VPS45: variants seen among roughly 807,000 people sequenced by gnomAD.
The protein encoded by VPS45 is vacuolar protein sorting-associated protein 45.
Under a neutral mutation model 75.9 loss-of-function variants are expected in VPS45, and 35 were observed. That is an observed-to-expected ratio of 0.46 (90% CI 0.35 to 0.61). The LOEUF is 0.61. Ranked by LOEUF, VPS45 falls within the 20% of genes least tolerant of loss-of-function variation. The pLI is 0.00. For missense variants in VPS45, 559 were observed against 685.9 expected, an observed-to-expected ratio of 0.81 and a Z score of 2.07; for synonymous variants, 220 against 238.2, an observed-to-expected ratio of 0.92 and a Z score of 0.70.
intron 13 of VPS45, among the ~76,000 whole-genome samples, chr1:150,108,936 T>A (rs1207603752): frequency 6.6e-6 from 1 of 152,140 alleles, no homozygotes; most frequent in African/African-American, 2.4e-5. Flanking sequence ...TCAGCCTGGG[T>A]TTGGGGACCC....
At chr1:150,108,773 C>A (rs1553806545) in intron 13 of VPS45, among the ~76,000 whole-genome samples, 1 of 152,140 alleles carries the variant, frequency 6.6e-6, no homozygotes, top group Non-Finnish European at 1.5e-5. Context: ...TAGATCCCTC[C>A]CATGCGTAGT....
chr1:150,088,434 A>AATATATATATAT (rs200780573), intron 10 of VPS45, among the ~76,000 whole-genome samples: 111 of 125,522 alleles, frequency 8.8e-4, no homozygotes, highest in African/African-American at 1.9e-3. Flanking sequence ...CTGAATAATA[A>AATATATATATAT]ATATATATAT....
At chr1:150,138,250 G>A (rs782222352) in intron 14 of VPS45, among the ~76,000 whole-genome samples, 6 of 151,998 alleles carry the variant, frequency 3.9e-5, no homozygotes, top group African/African-American at 1.2e-4. Context: ...AGCATCTGAC[G>A]CAGTTCCCTT....
At chr1:150,100,234 C>T (rs1656906975) in intron 13 of VPS45, among the ~76,000 whole-genome samples, 1 of 152,092 alleles carries the variant, frequency 6.6e-6, no homozygotes, top group South Asian at 2.1e-4. Context: ...CCATTCACAA[C>T]TGCCACCAAA....
chr1:150,144,961 A>G lies in VPS45; in HGVS notation c.*165A>G. ...GTTGGCACAGACACAAGACTCCCAG[A>G]GTTGTCCTAACAATAAGTCTGAGCC... On this transcript the variant is annotated 3_prime_UTR_variant, in exon 15 of 15. Transcript: ENST00000644510. 1 of 1,528,228 alleles carries G rather than the reference A, an allele frequency of 6.5e-7. No homozygotes were observed. Among genetic ancestry groups the G allele is most frequent in the Non-Finnish European group, 8.8e-7 (1 of 1,140,194 alleles). 94.7% of individuals were successfully genotyped at this position (1,528,228 alleles called of 1,614,324 possible). A position where few individuals can be genotyped will look rare whatever the true frequency, so the allele number is the denominator to read the frequency against.
At chr1:150,098,510 C>A (rs1322348438) in intron 13 of VPS45, among the ~76,000 whole-genome samples, 2 of 152,190 alleles carry the variant, frequency 1.3e-5, no homozygotes, top group Admixed American at 1.3e-4. Context: ...GCTCTGTATT[C>A]ACTTGGCCAC....
At chr1:150,080,992 G>A (rs1655671744) in intron 7 of VPS45, among the ~76,000 whole-genome samples, 1 of 152,142 alleles carries the variant, frequency 6.6e-6, no homozygotes, top group Non-Finnish European at 1.5e-5. Context: ...TGTAACTGCA[G>A]TACCAATATA....
intron 12 of VPS45, among the ~76,000 whole-genome samples, chr1:150,092,837 C>CTTTTTTTTTTTTTT (rs11451750): frequency 3.2e-5 from 3 of 94,452 alleles, no homozygotes; most frequent in African/African-American, 8.4e-5. Context: ...GCTAGCCTTT[C>CTTTTTTTTTTTTTT]TTTTTTTTTT....
At chr1:150,097,564 C>T (rs1553803280) in intron 13 of VPS45, among the ~76,000 whole-genome samples, 1 of 151,288 alleles carries the variant, frequency 6.6e-6, no homozygotes, top group Non-Finnish European at 1.5e-5. Context: ...ACTAAAAATG[C>T]AAAAATTAGC....
chr1:150,078,452 A>G (rs1167534493), intron 7 of VPS45, among the ~76,000 whole-genome samples: 1 of 152,170 alleles, frequency 6.6e-6, no homozygotes, highest in African/African-American at 2.4e-5. Flanking sequence ...ACCTATCAAA[A>G]TACTGCTGTT....
intron 14 of VPS45, among the ~76,000 whole-genome samples, chr1:150,117,721 G>A (rs797037499): frequency 6.6e-5 from 10 of 151,000 alleles, no homozygotes; most frequent in African/African-American, 2.4e-4. Context: ...GTAGCCAGGT[G>A]TGGTGGCGCC....
rs587724657 is a variant in VPS45 at position 150,082,340 on chromosome 1, C to G, written c.936+343C>G. ...TGACCAACATGGTGAAACCCCGTCT[C>G]TACTAAAAATACAAAATTAGCCAGG... On this transcript the variant is annotated intron_variant, in intron 9 of 14. Coordinates refer to ENST00000644510, the MANE Select transcript of VPS45 (RefSeq NM_007259.5). Among the ~76,000 whole-genome samples the G allele has an allele frequency of 5.3e-5, 8 of 152,104 alleles. No homozygotes were observed. The South Asian group carries it at 1.7e-3, about 32-fold the overall frequency.
intron 13 of VPS45, among the ~76,000 whole-genome samples, chr1:150,102,862 A>G (rs1456273424): frequency 5.9e-5 from 9 of 152,176 alleles, no homozygotes; most frequent in Non-Finnish European, 8.8e-5. Flanking sequence ...ACTGGGGTCT[A>G]CTTGAGCAGG....
rs1659549518 is a variant in VPS45, at chr1:150,144,111, T to C, written c.1626-598T>C. On this transcript the variant is annotated intron_variant, in intron 14 of 14. Coordinates refer to ENST00000644510, the MANE Select transcript of VPS45 (RefSeq NM_007259.5). The stretch of plus-strand genomic sequence containing the variant: ...AGGATATAATCTGTATTTTGTTTTA[T>C]TTTTTAATTTTTTTTTTATTAGAGA... Among the ~76,000 whole-genome samples the C allele has an allele frequency of 1.3e-3, 4 of 3,022 alleles. No individual in the cohort carries two copies. The Admixed American group carries it at 0.014, about 11-fold the overall frequency. The allele number at this position is 3,022 out of a possible 152,430, so 2.0% of individuals were successfully genotyped here. A position where few individuals can be genotyped will look rare whatever the true frequency, so the allele number is the denominator to read the frequency against.
intron 14 of VPS45, among the ~76,000 whole-genome samples, chr1:150,143,098 G>C (rs1659483469): frequency 6.6e-6 from 1 of 152,154 alleles, no homozygotes; most frequent in Non-Finnish European, 1.5e-5. Flanking sequence ...CTCCCAAGAA[G>C]CTCACAGTCT....
chr1:150,127,143 T>A (rs113381306), intron 14 of VPS45, among the ~76,000 whole-genome samples: 2,168 of 152,298 alleles, frequency 0.014, 51 homozygotes, highest in African/African-American at 0.047. Context: ...AGTACTTTTT[T>A]AAGTTGATTA....
chr1:150,091,904 AGG>A, intron 10 of VPS45, 31 bp from the exon 11 acceptor site: 1 of 1,600,598 alleles, frequency 6.2e-7, no homozygotes, highest in Non-Finnish European at 8.5e-7. Flanking sequence ...CTCAAGTGAA[AGG>A]GGGATAAATA....
chr1:150,110,534 C>T lies in VPS45; in HGVS notation c.1532C>T (p.Thr511Ile). Residue 511 changes from threonine (T) to isoleucine (I), a missense_variant, in exon 14 of 15, where the codon ACC becomes ATC. Transcript: ENST00000644510. ...ATTGTGTTTGTAATTGGAGGAGCCACCTATGAAGAGGCTCTAACAGTTTAT... is the reference window on the plus strand; with the variant it reads ...ATTGTGTTTGTAATTGGAGGAGCCATCTATGAAGAGGCTCTAACAGTTTAT... ...DIIVFVIGGATYEEALTVYNL... is the reference protein window; with the variant it reads ...DIIVFVIGGAIYEEALTVYNL... The T allele has an allele frequency of 6.2e-7, 1 of 1,613,610 alleles. No individual in the cohort carries two copies. Among genetic ancestry groups the T allele is most frequent in the East Asian group, 2.2e-5 (1 of 44,856 alleles).
At chr1:150,077,910 A>G in intron 7 of VPS45, 131 bp downstream of exon 7, 4 of 738,810 alleles carry the variant, frequency 5.4e-6, no homozygotes, top group Non-Finnish European at 9.2e-6. Flanking sequence ...TTTGCTTTGT[A>G]TTTCCTGGTG....
Sources: gnomAD v4.1 joint callset for allele counts (sites outside exome capture counted in the v4.1 genomes callset) on GRCh38, gnomAD v4.1.1 for gene constraint, MANE v1.5 for transcripts, NCBI Gene and HGNC (gene_info 2026-07-23, HGNC 2026-07-21) for gene names.